The following CTNND2 variants were observed in gnomAD, a reference collection of about 807,000 sequenced individuals.
CTNND2 encodes catenin delta-2.
In CTNND2, 22 loss-of-function variants were observed where a neutral mutation model predicts 144.4. That is an observed-to-expected ratio of 0.15 (90% CI 0.11 to 0.22). The LOEUF is 0.22. CTNND2 is among the 10% of genes least tolerant of loss of function. The probability of loss-of-function intolerance (pLI) is 1.00; values close to 1 mark genes in which losing one functional copy is unlikely to be tolerated. For synonymous variants in CTNND2, 751 were observed against 695.6 expected (o/e 1.08, Z -1.25); for missense variants, 1,353 against 1,618.8 (o/e 0.84, Z 2.82).
chr5:11,463,538 G>A (rs1029942194), intron 3 of CTNND2, among the ~76,000 whole-genome samples: 10 of 152,046 alleles, frequency 6.6e-5, no homozygotes, highest in Non-Finnish European at 1.3e-4. Flanking sequence ...TAGTACATTA[G>A]AGAGGAAAAT....
intron 12 of CTNND2, among the ~76,000 whole-genome samples, chr5:11,153,357 C>T (rs1191653375): frequency 1.3e-5 from 2 of 152,194 alleles, no homozygotes; most frequent in African/African-American, 2.4e-5. Flanking sequence ...CATGATACAA[C>T]ACTTTAAAAA....
chr5:11,791,294 G>T (rs1031293861), intron 1 of CTNND2, among the ~76,000 whole-genome samples: 1 of 152,178 alleles, frequency 6.6e-6, no homozygotes, highest in Non-Finnish European at 1.5e-5. Flanking sequence ...TGGGCAGGGG[G>T]TATCTCATGG....
At chr5:11,548,662 G>A (rs1260731692) in intron 3 of CTNND2, among the ~76,000 whole-genome samples, 1 of 152,130 alleles carries the variant, frequency 6.6e-6, no homozygotes, top group Non-Finnish European at 1.5e-5. Context: ...GACACAAAAT[G>A]TAACAATCTT....
At chr5:11,055,116 A>C (rs1746218255) in intron 16 of CTNND2, among the ~76,000 whole-genome samples, 1 of 152,226 alleles carries the variant, frequency 6.6e-6, no homozygotes, top group African/African-American at 2.4e-5. Flanking sequence ...GGAATGAATA[A>C]CGGTTGGAGA....
intron 3 of CTNND2, among the ~76,000 whole-genome samples, chr5:11,534,350 T>G (rs1283785789): frequency 1.3e-5 from 2 of 151,830 alleles, no homozygotes; most frequent in Non-Finnish European, 2.9e-5. Context: ...TGACAGTGGC[T>G]CACACCTGTA....
rs78339402 is a variant in CTNND2, at chr5:11,613,728, C to G, written c.175-48672G>C. Among the ~76,000 whole-genome samples, 1,148 of 152,282 alleles carry G rather than the reference C, an allele frequency of 7.5e-3. 9 individuals carry two copies. The highest frequency in any genetic ancestry group is 0.023 in the African/African-American group (970 of 41,566). On this transcript the variant is annotated intron_variant, in intron 2 of 21. Transcript: ENST00000304623. ...CAGCTCTTGGGTCATCTCTTTCTTA[C>G]CAGCTCTCTTACTGTCCTCAAGCTG...
Position 11,807,724 on chromosome 5 carries a change from G to A in CTNND2, c.38-75452C>T, listed in dbSNP as rs1016878027. Among the ~76,000 whole-genome samples, 4 of 152,072 alleles carry A rather than the reference G, an allele frequency of 2.6e-5. No homozygotes were observed. The South Asian group carries it at 6.2e-4, about 24-fold the overall frequency. On this transcript the variant is annotated intron_variant, in intron 1 of 21. Coordinates refer to ENST00000304623, the MANE Select transcript of CTNND2 (RefSeq NM_001332.4). Reference sequence around the variant, plus strand: ...CCTCTCAGAAGTTCACCATCGCCACGTACTAAGACGCACGGACAGAGGCAT... The same window carrying A: ...CCTCTCAGAAGTTCACCATCGCCACATACTAAGACGCACGGACAGAGGCAT...
chr5:11,273,117 C>A (rs950809914), intron 9 of CTNND2, among the ~76,000 whole-genome samples: 2 of 152,046 alleles, frequency 1.3e-5, no homozygotes, highest in African/African-American at 4.8e-5. Context: ...AATGTGTTTT[C>A]TCTCCTGTTA....
At chr5:11,218,034 CCTT>C (rs1261017362) in intron 10 of CTNND2, among the ~76,000 whole-genome samples, 2 of 151,614 alleles carry the variant, frequency 1.3e-5, no homozygotes, top group Non-Finnish European at 2.9e-5. Flanking sequence ...TTCCTCCCTC[CCTT>C]CTTCCTCCTT....
chr5:10,979,809 T>C (rs553676133), intron 21 of CTNND2, among the ~76,000 whole-genome samples: 1 of 152,326 alleles, frequency 6.6e-6, no homozygotes, highest in African/African-American at 2.4e-5. Context: ...GGGGAAAAGA[T>C]TCCCTATTTA....
chr5:11,802,271 T>TAA (rs1012087351), intron 1 of CTNND2, among the ~76,000 whole-genome samples: 2 of 134,042 alleles, frequency 1.5e-5, no homozygotes. Context: ...GACTCTGTCT[T>TAA]AAAAAAAAAA....
intron 9 of CTNND2, among the ~76,000 whole-genome samples, chr5:11,291,290 C>A (rs531886073): frequency 6.6e-6 from 1 of 152,190 alleles, no homozygotes; most frequent in East Asian, 1.9e-4. Flanking sequence ...ATTTTCCCAT[C>A]ATTCTAGGCT....
chr5:11,213,369 C>T (rs573722551), intron 10 of CTNND2, among the ~76,000 whole-genome samples: 2 of 152,218 alleles, frequency 1.3e-5, no homozygotes, highest in African/African-American at 2.4e-5. Context: ...CCCGCTCTTT[C>T]GAGACTCCAC....
At chr5:11,641,074 T>C (rs965884478) in intron 2 of CTNND2, among the ~76,000 whole-genome samples, 2 of 152,170 alleles carry the variant, frequency 1.3e-5, no homozygotes, top group Admixed American at 6.5e-5. Flanking sequence ...GGAAGGTTTC[T>C]ACAAAGATAG....
intron 9 of CTNND2, among the ~76,000 whole-genome samples, chr5:11,238,824 T>G (rs1468558854): frequency 6.6e-6 from 1 of 152,158 alleles, no homozygotes. Context: ...CTCAAGTGAT[T>G]GCTGATAATG....
intron 6 of CTNND2, among the ~76,000 whole-genome samples, chr5:11,390,907 G>T (rs1411929838): frequency 6.6e-6 from 1 of 152,184 alleles, no homozygotes; most frequent in African/African-American, 2.4e-5. Context: ...GGTCACCACA[G>T]GGAGCAGTGT....
intron 8 of CTNND2, among the ~76,000 whole-genome samples, chr5:11,347,869 A>G (rs1033929180): frequency 5.3e-5 from 8 of 152,226 alleles, no homozygotes; most frequent in African/African-American, 1.9e-4. Context: ...TGCTGAGAAA[A>G]TAATTATTAA....
At chr5:11,551,713 C>T (rs992703132) in intron 3 of CTNND2, among the ~76,000 whole-genome samples, 1 of 152,154 alleles carries the variant, frequency 6.6e-6, no homozygotes, top group Admixed American at 6.5e-5. Context: ...ATTCTACTGC[C>T]TCAGCCTCCC....
intron 7 of CTNND2, among the ~76,000 whole-genome samples, chr5:11,367,575 T>C (rs1161418832): frequency 6.6e-6 from 1 of 152,208 alleles, no homozygotes; most frequent in Non-Finnish European, 1.5e-5. Flanking sequence ...AGCGTCACAC[T>C]GGACTCAAAA....
Sources: allele counts gnomAD v4.1 joint callset (sites outside exome capture counted in the v4.1 genomes callset), GRCh38; gene constraint gnomAD v4.1.1; transcripts MANE v1.5; gene names NCBI Gene and HGNC (gene_info 2026-07-23, HGNC 2026-07-21).